KLHL24: variants seen among roughly 807,000 people sequenced by gnomAD.
KLHL24 encodes the protein kelch-like protein 24.
Under a neutral mutation model 53.4 loss-of-function variants are expected in KLHL24, and 29 were observed. The observed-to-expected ratio is 0.54, with a 90% CI of 0.40 to 0.74. The LOEUF is 0.74. Ranked by LOEUF, KLHL24 falls within the 30% of genes least tolerant of loss-of-function variation. The pLI, the probability that KLHL24 is intolerant of heterozygous loss-of-function variation, is 0.00. For missense variants in KLHL24, 504 were observed against 744.0 expected (o/e 0.68, Z 3.75); for synonymous variants, 222 against 253.7 (o/e 0.88, Z 1.19).
chr3:183,662,912 A>G (rs1720006892), intron 3 of KLHL24, among the ~76,000 whole-genome samples: 1 of 152,150 alleles, frequency 6.6e-6, no homozygotes, highest in Admixed American at 6.5e-5. Flanking sequence ...GTGATTGCCC[A>G]ACATTTTGAG....
intron 2 of KLHL24, among the ~76,000 whole-genome samples, chr3:183,648,035 T>C (rs960103144): frequency 2.6e-5 from 4 of 152,034 alleles, no homozygotes; most frequent in African/African-American, 9.6e-5. Context: ...AACAAAAAAC[T>C]CCAATAGCAA....
Position 183,656,881 on chromosome 3 carries a change from C to T in KLHL24, c.920+5605C>T, listed in dbSNP as rs146533473. On this transcript the variant is annotated intron_variant, in intron 3 of 7. Coordinates refer to ENST00000242810, the MANE Select transcript of KLHL24 (RefSeq NM_017644.3). The stretch of plus-strand genomic sequence containing the variant: ...TTCGAGACCTGCCTGGGCAATATAG[C>T]GAGACCCCGTTCTCCAGAAAAAGGA... Among the ~76,000 whole-genome samples the T allele has an allele frequency of 4.8e-5, 7 of 144,974 alleles. No homozygotes were observed. In the South Asian group the frequency reaches 1.1e-3, roughly 22 times the overall value.
At chr3:183,647,729 C>A (rs560005862) in intron 2 of KLHL24, among the ~76,000 whole-genome samples, 1 of 151,128 alleles carries the variant, frequency 6.6e-6, no homozygotes, top group Non-Finnish European at 1.5e-5. Context: ...ACAGGCTGAG[C>A]GCAGTGGCTC....
At chr3:183,677,678 ACT>A (rs1338334072) in intron 7 of KLHL24, among the ~76,000 whole-genome samples, 4 of 152,168 alleles carry the variant, frequency 2.6e-5, no homozygotes, top group Non-Finnish European at 4.4e-5. Context: ...AGGTGCAATA[ACT>A]CTCTGAATTA....
chr3:183,653,467 G>C (rs1038343041), intron 3 of KLHL24, among the ~76,000 whole-genome samples: 3 of 152,318 alleles, frequency 2.0e-5, no homozygotes. Context: ...TTTTATTTAT[G>C]CTGCTGAAGT....
At chr3:183,664,843 A>G (rs1231355614) in intron 4 of KLHL24, 78 bp from the exon 5 acceptor site, 9 of 690,212 alleles carry the variant, frequency 1.3e-5, no homozygotes, top group Non-Finnish European at 2.2e-5. Flanking sequence ...TTCTTTACCT[A>G]TGCCTTGGTG....
rs1271792196 is a variant in KLHL24 at position 183,681,039 on chromosome 3, C to CT, written c.*1754dup. On this transcript the variant is annotated 3_prime_UTR_variant, in exon 8 of 8. Coordinates refer to ENST00000242810, the MANE Select transcript of KLHL24 (RefSeq NM_017644.3). ...TAGAATCTACATTCTGAGGAAAACT[C>CT]TAAAAAACTTAAAAATTTTTAGGGA... 1 of 151,884 alleles carries CT rather than the reference C, an allele frequency of 6.6e-6. No homozygotes were observed. The highest frequency in any genetic ancestry group is 1.5e-5 in the Non-Finnish European group (1 of 67,920). The allele number at this position is 151,884 out of a possible 1,614,324, so 9.4% of individuals were successfully genotyped here. A position where few individuals can be genotyped will look rare whatever the true frequency, so the allele number is the denominator to read the frequency against.
chr3:183,662,528 A>C (rs1719954051), intron 3 of KLHL24, among the ~76,000 whole-genome samples: 1 of 152,224 alleles, frequency 6.6e-6, no homozygotes, highest in Non-Finnish European at 1.5e-5. Context: ...ATAAAAGCTA[A>C]AGAATTTTAA....
intron 1 of KLHL24, 131 bp downstream of exon 1, chr3:183,635,924 G>A (rs1274253711): frequency 6.6e-6 from 1 of 152,400 alleles, no homozygotes. Context: ...CTGCAGCTGG[G>A]CTACAGGGCC....
chr3:183,677,336 C>T (rs1272170800), intron 7 of KLHL24, among the ~76,000 whole-genome samples: 2 of 152,002 alleles, frequency 1.3e-5, no homozygotes, highest in African/African-American at 4.8e-5. Flanking sequence ...TTATAGAAAG[C>T]GCTTATTGTG....
intron 7 of KLHL24, among the ~76,000 whole-genome samples, chr3:183,675,977 A>T (rs1389692515): frequency 6.6e-6 from 1 of 152,242 alleles, no homozygotes; most frequent in Non-Finnish European, 1.5e-5. Flanking sequence ...CATTTTCTCT[A>T]ATTAAACAAC....
At chr3:183,673,787 TTAAA>T (rs1721693178) in intron 7 of KLHL24, among the ~76,000 whole-genome samples, 1 of 152,200 alleles carries the variant, frequency 6.6e-6, no homozygotes, top group African/African-American at 2.4e-5. Flanking sequence ...TACCCAGTCC[TTAAA>T]TATGTTCCTT....
rs1421268044 is a variant in KLHL24, at chr3:183,651,117, A to G, written c.761A>G (p.His254Arg). 5.6e-6 allele frequency: 9 copies of G among 1,614,170 alleles called. No individual in the cohort carries two copies. Among genetic ancestry groups the G allele is most frequent in the Non-Finnish European group, 7.6e-6 (9 of 1,180,020 alleles). The part of the protein sequence containing the change: ...RRPLLHELLT[H>R]VRLPLLHPNY... ...CCACTGTTACACGAGCTCCTGACACATGTGAGACTCCCTCTGTTGCATCCC... is the reference window on the plus strand; with the variant it reads ...CCACTGTTACACGAGCTCCTGACACGTGTGAGACTCCCTCTGTTGCATCCC... The change falls in exon 3 of 8, where the codon CAT becomes CGT. Residue 254 changes from histidine (H) to arginine (R), a missense_variant. Physicochemically the swap from His to Arg is conservative, Grantham distance 29 (BLOSUM62 0). Coordinates refer to ENST00000242810, the MANE Select transcript of KLHL24 (RefSeq NM_017644.3).
In KLHL24 at chr3:183,667,871, C is replaced by A. The variant is rs549478427; in HGVS notation, c.1224+2832C>A. Among the ~76,000 whole-genome samples the A allele has an allele frequency of 5.9e-5, 9 of 151,976 alleles. No homozygotes were observed. The South Asian group carries it at 1.9e-3, about 32-fold the overall frequency. Reference sequence around the variant, plus strand: ...AGCTAAGACTGCAGGCACACACCATCACACCTAATTTTGGTATTTTTTGTG... The same window carrying A: ...AGCTAAGACTGCAGGCACACACCATAACACCTAATTTTGGTATTTTTTGTG... On this transcript the variant is annotated intron_variant, in intron 5 of 7. Transcript: ENST00000242810.
intron 2 of KLHL24, among the ~76,000 whole-genome samples, chr3:183,649,170 A>C (rs1717763770): frequency 6.6e-6 from 1 of 152,224 alleles, no homozygotes; most frequent in Non-Finnish European, 1.5e-5. Flanking sequence ...ATGAATATTA[A>C]ATTTTATAAT....
chr3:183,677,451 A>G (rs566389069), intron 7 of KLHL24, among the ~76,000 whole-genome samples: 1 of 152,212 alleles, frequency 6.6e-6, no homozygotes, highest in South Asian at 2.1e-4. Context: ...AGGCTAAGTC[A>G]TTCTGGGTGT....
chr3:183,675,511 A>T (rs1711680020), intron 7 of KLHL24, among the ~76,000 whole-genome samples: 1 of 152,186 alleles, frequency 6.6e-6, no homozygotes, highest in Non-Finnish European at 1.5e-5. Flanking sequence ...GCGACAGTGT[A>T]CCCTACTTGC....
rs1354728786 is a variant in KLHL24 at position 183,666,031 on chromosome 3, C to T, written c.1224+992C>T. Reference sequence around the variant, plus strand: ...CTGAGTAGCTGGGATTACAGGTGTTCGCCACCACACCTGGCTAATTTTTAT... The same window carrying T: ...CTGAGTAGCTGGGATTACAGGTGTTTGCCACCACACCTGGCTAATTTTTAT... On this transcript the variant is annotated intron_variant, in intron 5 of 7. Coordinates refer to ENST00000242810, the MANE Select transcript of KLHL24 (RefSeq NM_017644.3). 4.6e-5 allele frequency among the ~76,000 whole-genome samples: 7 copies of T among 151,892 alleles called. 1 individual carries two copies. Among genetic ancestry groups the T allele is most frequent in the East Asian group, 2.0e-4 (1 of 5,102 alleles).
intron 4 of KLHL24, among the ~76,000 whole-genome samples, chr3:183,664,623 G>A (rs1333104221): frequency 6.6e-6 from 1 of 150,628 alleles, no homozygotes; most frequent in African/African-American, 2.4e-5. Context: ...GCGTGCTTCT[G>A]ATGTCTTACT....
Sources: gnomAD v4.1 joint callset for allele counts (sites outside exome capture counted in the v4.1 genomes callset) on GRCh38, gnomAD v4.1.1 for gene constraint, MANE v1.5 for transcripts, NCBI Gene and HGNC (gene_info 2026-07-23, HGNC 2026-07-21) for gene names.